PPP2R3C: variants seen among roughly 807,000 people sequenced by gnomAD.
The protein encoded by PPP2R3C is protein phosphatase 2 regulatory subunit B''gamma, also known as serine/threonine-protein phosphatase 2A regulatory subunit B'' subunit gamma.
PPP2R3C carries 47 observed loss-of-function variants against 63.7 expected under a neutral mutation model. That is an observed-to-expected ratio of 0.74 (90% CI 0.58 to 0.94). PPP2R3C has a LOEUF of 0.94. Among genes scored for constraint, PPP2R3C ranks in the 40% least tolerant of loss-of-function variants. PPP2R3C has a pLI of 0.00. For synonymous variants in PPP2R3C, 180 were observed against 177.4 expected (o/e 1.01, Z -0.12); for missense variants, 421 against 518.4 (o/e 0.81, Z 1.82).
chr14:35,119,104 C>A (rs2046787739), intron 1 of PPP2R3C, among the ~76,000 whole-genome samples: 1 of 148,874 alleles, frequency 6.7e-6, no homozygotes, highest in South Asian at 2.1e-4. Flanking sequence ...GTGTCGTAAT[C>A]TCAGCTCACC....
At chr14:35,095,318 T>A (rs1377495969) in intron 9 of PPP2R3C, 134 bp from the exon 10 acceptor site, 14 of 845,754 alleles carry the variant, frequency 1.7e-5, no homozygotes, top group Non-Finnish European at 2.0e-5. Flanking sequence ...GGTAGTGGCC[T>A]ATGTGTAATA....
chr14:35,096,956 G>A (rs374027916), intron 7 of PPP2R3C, among the ~76,000 whole-genome samples, 192 bp from the exon 8 acceptor site: 5 of 152,234 alleles, frequency 3.3e-5, no homozygotes, highest in East Asian at 3.9e-4. Flanking sequence ...GGCTCACCGC[G>A]TAATTCCAGC....
intron 7 of PPP2R3C, among the ~76,000 whole-genome samples, chr14:35,097,891 T>C (rs565119958): frequency 9.5e-4 from 144 of 152,184 alleles, no homozygotes; most frequent in African/African-American, 3.3e-3. Flanking sequence ...GGATTACAGG[T>C]GTGAGCCACC....
chr14:35,089,140 G>GT (rs1395145265), intron 11 of PPP2R3C, among the ~76,000 whole-genome samples: 2 of 152,064 alleles, frequency 1.3e-5, no homozygotes, highest in African/African-American at 4.8e-5. Context: ...GTCTTACTCT[G>GT]TCATTCAGGC....
chr14:35,107,645 T>C, intron 5 of PPP2R3C: 1 of 416,462 alleles, frequency 2.4e-6, no homozygotes, highest in Non-Finnish European at 4.3e-6. Context: ...TAGTATAATA[T>C]TATGCCTTCA....
At position 35,097,512 on chromosome 14, in the gene PPP2R3C, C is replaced by T. The variant is rs181705170; in HGVS notation, c.707-748G>A. 3.2e-3 allele frequency among the ~76,000 whole-genome samples: 451 copies of T among 139,660 alleles called. 1 individual carries two copies. Among genetic ancestry groups the T allele is most frequent in the Non-Finnish European group, 4.7e-3 (304 of 65,020 alleles). 91.6% of individuals were successfully genotyped at this position (139,660 alleles called of 152,430 possible). Reference sequence around the variant, plus strand: ...TTTTTTTTTTTTTGAGACAGAGTTTCGCTCTTGTTGCCCAGGCTGGAGTGC... The same window carrying T: ...TTTTTTTTTTTTTGAGACAGAGTTTTGCTCTTGTTGCCCAGGCTGGAGTGC... On this transcript the variant is annotated intron_variant, in intron 7 of 12. Transcript: ENST00000261475.
At chr14:35,117,225 A>C (rs2046736000) in intron 1 of PPP2R3C, 2 of 453,850 alleles carry the variant, frequency 4.4e-6, no homozygotes, top group Non-Finnish European at 8.8e-6. Flanking sequence ...TCTGAAGCTC[A>C]AAACTCAGGG....
intron 3 of PPP2R3C, 45 bp from the exon 4 acceptor site, chr14:35,109,976 C>T (rs754549069): frequency 8.5e-6 from 12 of 1,406,552 alleles, no homozygotes; most frequent in Non-Finnish European, 1.2e-5. Context: ...TTAAAAACAA[C>T]AAGATTTTAA....
rs2046422876 is a variant in PPP2R3C, at chr14:35,108,215, GA to G, written c.425del (p.Val142AlafsTer24). 6.3e-7 allele frequency: 1 copy of G among 1,576,964 alleles called. No homozygotes were observed. Among genetic ancestry groups the G allele is most frequent in the African/African-American group, 1.4e-5 (1 of 72,670 alleles). ...AKCKQFFTAK[V>X]FAKLLHTDSY... is the part of the protein sequence containing the mutation. ...AATCTGTATGAAGGAGTTTAGCAAA[GA>G]CTTTTGCTGTGAAAAATTGCCTAAG... is the stretch of plus-strand genomic sequence containing the variant. On this transcript the variant is annotated frameshift_variant, in exon 5 of 13. Transcript: ENST00000261475. LOFTEE classifies it high-confidence loss of function.
At chr14:35,116,023 C>T (rs1182063854) in intron 2 of PPP2R3C, among the ~76,000 whole-genome samples, 5 of 151,996 alleles carry the variant, frequency 3.3e-5, no homozygotes, top group African/African-American at 9.7e-5. Flanking sequence ...TAACATAATC[C>T]AATAGAATAC....
At chr14:35,093,915 T>C (rs559109117) in intron 10 of PPP2R3C, among the ~76,000 whole-genome samples, 1 of 152,290 alleles carries the variant, frequency 6.6e-6, no homozygotes, top group African/African-American at 2.4e-5. Context: ...CCTCCCAAAG[T>C]TATCAGATTC....
intron 9 of PPP2R3C, among the ~76,000 whole-genome samples, chr14:35,096,011 T>A (rs1023864457): frequency 1.3e-5 from 2 of 152,082 alleles, no homozygotes; most frequent in Non-Finnish European, 1.5e-5. Flanking sequence ...AAGGATCAAA[T>A]TACATTCTGT....
chr14:35,091,276 A>AT, intron 10 of PPP2R3C, 69 bp from the exon 11 acceptor site: 1 of 1,395,476 alleles, frequency 7.2e-7, no homozygotes, highest in Non-Finnish European at 9.6e-7. Flanking sequence ...ATATCTTATG[A>AT]TTTGAAGCTA....
chr14:35,106,637 C>T (rs189386130), intron 6 of PPP2R3C, among the ~76,000 whole-genome samples: 5 of 144,518 alleles, frequency 3.5e-5, no homozygotes, highest in East Asian at 2.1e-4. Context: ...GGAATACAGG[C>T]GTGAGCCACT....
chr14:35,093,002 A>G (rs568146624), intron 10 of PPP2R3C, among the ~76,000 whole-genome samples: 180 of 152,234 alleles, frequency 1.2e-3, no homozygotes, highest in East Asian at 1.4e-3. Context: ...GAAGGTCAAG[A>G]GATCGAGACC....
At chr14:35,105,591 T>A (rs1274682049) in intron 6 of PPP2R3C, among the ~76,000 whole-genome samples, 10 of 151,148 alleles carry the variant, frequency 6.6e-5, no homozygotes, top group African/African-American at 1.5e-4. Flanking sequence ...TTAAAAAAAA[T>A]AAAAATAAAA....
chr14:35,114,895 G>A (rs1405787046), intron 2 of PPP2R3C, among the ~76,000 whole-genome samples: 6 of 152,078 alleles, frequency 3.9e-5, no homozygotes, highest in Admixed American at 1.3e-4. Flanking sequence ...TAGGAGGGCT[G>A]AGGCAGGAGA....
chr14:35,110,003 T>C (rs528211658), intron 3 of PPP2R3C, 72 bp from the exon 4 acceptor site: 14 of 1,114,828 alleles, frequency 1.3e-5, no homozygotes, highest in Admixed American at 1.2e-4. Flanking sequence ...GTTAAATGTG[T>C]GCTTTCCACT....
chr14:35,095,243 T>C (rs915247822), intron 9 of PPP2R3C, 59 bp from the exon 10 acceptor site: 26 of 1,539,962 alleles, frequency 1.7e-5, no homozygotes, highest in Middle Eastern at 3.5e-4. Context: ...ATCAGAAGAA[T>C]AGACTAACAA....
Sources: allele counts gnomAD v4.1 joint callset (sites outside exome capture counted in the v4.1 genomes callset), GRCh38; gene constraint gnomAD v4.1.1; transcripts MANE v1.5; gene names NCBI Gene and HGNC (gene_info 2026-07-23, HGNC 2026-07-21).